FCN3: variants seen among roughly 807,000 people sequenced by gnomAD.
The protein encoded by FCN3 is ficolin-3.
Under a neutral mutation model 31.5 loss-of-function variants are expected in FCN3, and 28 were observed. The ratio of observed to expected loss-of-function variants is 0.89; its 90% CI spans 0.66 to 1.22. The LOEUF (loss-of-function observed/expected upper bound fraction) is 1.22. Ranked by LOEUF, FCN3 falls within the 50% of genes most tolerant of loss-of-function variation. The pLI is 0.00. For synonymous variants in FCN3, 124 were observed against 147.4 expected, an observed-to-expected ratio of 0.84 and a Z score of 1.15; for missense variants, 351 against 386.8, an observed-to-expected ratio of 0.91 and a Z score of 0.78.
chr1:27,373,357 C>T (rs1021651580), intron 4 of FCN3, 94 bp from the exon 5 acceptor site: 34 of 1,599,032 alleles, frequency 2.1e-5, no homozygotes, highest in Non-Finnish European at 2.8e-5. Context: ...TAGGGACCCT[C>T]TTGGCTCCTT....
intron 1 of FCN3, 53 bp downstream of exon 1, chr1:27,374,675 C>T (rs566891028): frequency 1.8e-6 from 2 of 1,112,174 alleles, no homozygotes; most frequent in South Asian, 3.7e-5. Context: ...TGGGGGGACA[C>T]CCAGCGAGGG....
chr1:27,373,151 C>T lies in FCN3; in HGVS notation c.378G>A (p.Glu126=), dbSNP rs369579099. The part of the protein sequence containing the change: ...ALPVFCDMDT[E]GGGWLVFQRR... The stretch of plus-strand genomic sequence containing the variant: ...AGACACTCACCAGCCAGCCGCCCCC[C>T]TCGGTGTCCATGTCACAAAAGACTG... Residue 126 remains glutamate, a synonymous_variant, in exon 5 of 8, where the codon GAG becomes GAA. Transcript: ENST00000270879. 12 of 1,613,872 alleles carry T rather than the reference C, an allele frequency of 7.4e-6. No individual in the cohort carries two copies. Among genetic ancestry groups the T allele is most frequent in the South Asian group, 5.5e-5 (5 of 91,086 alleles).
intron 5 of FCN3, among the ~76,000 whole-genome samples, chr1:27,372,771 C>CCTTTT (rs2016171311): frequency 1.7e-5 from 1 of 59,892 alleles, no homozygotes; most frequent in Non-Finnish European, 4.3e-5. Context: ...CCTCCCTACC[C>CCTTTT]TATTTTTTTT....
Position 27,369,366 on chromosome 1 carries a change from G to A in FCN3, c.770C>T (p.Ser257Phe). The A allele has an allele frequency of 6.2e-7, 1 of 1,614,252 alleles. No individual in the cohort carries two copies. The highest frequency in any genetic ancestry group is 8.5e-7 in the Non-Finnish European group (1 of 1,180,048). Residue 257 changes from serine to phenylalanine, a missense_variant, in exon 8 of 8, where the codon TCC becomes TTC. Physicochemically the swap from Ser to Phe is radical, Grantham distance 155. Transcript: ENST00000270879. Reference sequence around the variant, plus strand: ...ACCATTGAGATTTGATCGGTAACAGGATGCATACCACCAGGCACCGTGGAC... The same window carrying A: ...ACCATTGAGATTTGATCGGTAACAGAATGCATACCACCAGGCACCGTGGAC... The part of the protein sequence containing the change: ...VIVHGAWWYA[S>F]CYRSNLNGRY...
At chr1:27,372,171 T>C (rs1256419961) in intron 5 of FCN3, among the ~76,000 whole-genome samples, 1 of 152,180 alleles carries the variant, frequency 6.6e-6, no homozygotes, top group African/African-American at 2.4e-5. Flanking sequence ...GAATCATCTT[T>C]TTAAAACAGA....
At position 27,374,374 on chromosome 1, in the gene FCN3, C is replaced by A; in HGVS notation, c.169G>T (p.Gly57Ter). 1 of 1,613,122 alleles carries A rather than the reference C, an allele frequency of 6.2e-7. No homozygotes were observed. Among genetic ancestry groups the A allele is most frequent in the African/African-American group, 1.3e-5 (1 of 75,000 alleles). The change falls in exon 2 of 8, where the codon GGA becomes TGA. Residue 57 changes from glycine to a stop codon, truncating the protein, a stop_gained. Coordinates refer to ENST00000270879, the MANE Select transcript of FCN3 (RefSeq NM_003665.4). LOFTEE classifies it high-confidence loss of function. The part of the protein sequence containing the change: ...PGAPGSPGEK[G>*]APGPQGPPGP... Reference sequence around the variant, plus strand: ...CTCTCACCTTGAGGACCTGGGGCTCCCTTCTCCCCAGGACTTCCTGGAGCT... The same window carrying A: ...CTCTCACCTTGAGGACCTGGGGCTCACTTCTCCCCAGGACTTCCTGGAGCT...
chr1:27,374,050 T>G, intron 2 of FCN3, 41 bp from the exon 3 acceptor site: 1 of 1,574,830 alleles, frequency 6.3e-7, no homozygotes, highest in Non-Finnish European at 8.7e-7. Flanking sequence ...TCCCACCCCA[T>G]GCCCAGGACC....
intron 2 of FCN3, 58 bp downstream of exon 2, chr1:27,374,298 G>A (rs2016206685): frequency 7.8e-7 from 1 of 1,281,874 alleles, no homozygotes; most frequent in African/African-American, 1.5e-5. Flanking sequence ...GACAAAAATT[G>A]CTACTTTCCT....
chr1:27,373,265 T>C lies in FCN3; in HGVS notation c.266-2A>G. On this transcript the variant is annotated splice_acceptor_variant, in intron 4 of 7. Transcript: ENST00000270879. LOFTEE classifies it high-confidence loss of function. ...ACAGCTCCCGGCAGTTTCTGGGGCC[T>C]GGGAAAGGGGAGATGGACTGGGGTG... The C allele has an allele frequency of 1.2e-6, 2 of 1,613,974 alleles. No homozygotes were observed. Among genetic ancestry groups the C allele is most frequent in the Non-Finnish European group, 1.7e-6 (2 of 1,179,948 alleles).
At chr1:27,369,518 C>A in intron 7 of FCN3, 41 bp from the exon 8 acceptor site, 1 of 1,589,232 alleles carries the variant, frequency 6.3e-7, no homozygotes, top group Non-Finnish European at 8.6e-7. Flanking sequence ...TGCCCAGCAC[C>A]ACGCCTGGCA....
At chr1:27,374,548 A>AGACAAGCATCCTGACAG in intron 1 of FCN3, 97 bp from the exon 2 acceptor site, 1 of 893,584 alleles carries the variant, frequency 1.1e-6, no homozygotes, top group Non-Finnish European at 1.8e-6. Flanking sequence ...CACTGTCAGG[A>AGACAAGCATCCTGACAG]TGCTTGTCTC....
In FCN3 at chr1:27,374,809, G is replaced by A; in HGVS notation, c.10C>T (p.Leu4=). 7.4e-7 allele frequency: 1 copy of A among 1,358,938 alleles called. No homozygotes were observed. The highest frequency in any genetic ancestry group is 2.0e-4 in the Middle Eastern group (1 of 5,058). 84.2% of individuals were successfully genotyped at this position (1,358,938 alleles called of 1,614,324 possible). A position where few individuals can be genotyped will look rare whatever the true frequency, so the allele number is the denominator to read the frequency against. The change falls in exon 1 of 8, where the codon CTG becomes TTG. Residue 4 remains leucine (L), a synonymous_variant. Coordinates refer to ENST00000270879, the MANE Select transcript of FCN3 (RefSeq NM_003665.4). ...AGCCACAGGGAGGGCAGGATCCACA[G>A]TAGATCCATCTTGCTGGGCCCACCA... MDL[L]WILPSLWLLL...
chr1:27,373,081 A>AG lies in FCN3; in HGVS notation c.393+54dup, dbSNP rs1411483449. 8.8e-6 allele frequency: 14 copies of AG among 1,590,394 alleles called. No homozygotes were observed. In the Admixed American group the frequency reaches 1.4e-4, roughly 16 times the overall value. On this transcript the variant is annotated intron_variant, in intron 5 of 7. Transcript: ENST00000270879. ...TGGGTTCTGGCTCCCCTAGGGGCCA[A>AG]GGGGGAGAAGTGACCAGTGGGCCTG...
At chr1:27,372,282 C>T (rs1395091893) in intron 5 of FCN3, among the ~76,000 whole-genome samples, 1 of 150,222 alleles carries the variant, frequency 6.7e-6, no homozygotes, top group African/African-American at 2.5e-5. Flanking sequence ...GAGTCTCACT[C>T]CGTTGCCCAG....
chr1:27,369,558 C>T, intron 7 of FCN3, 81 bp from the exon 8 acceptor site: 1 of 1,351,190 alleles, frequency 7.4e-7, no homozygotes, highest in East Asian at 2.3e-5. Flanking sequence ...ATGGGAGTCT[C>T]AGAGCAACTA....
intron 5 of FCN3, among the ~76,000 whole-genome samples, chr1:27,372,642 G>A (rs1170324490): frequency 6.6e-6 from 1 of 152,120 alleles, no homozygotes; most frequent in African/African-American, 2.4e-5. Flanking sequence ...TCCATGTTCC[G>A]TCAGTGCCGG....
Position 27,373,994 on chromosome 1 carries a change from G to A in FCN3, c.203C>T (p.Pro68Leu), listed in dbSNP as rs1437405474. ...APGPQGPPGP[P>L]GKMGPKGEPG... is the part of the protein sequence containing the mutation. ...CTCACCCTTGGGGCCCATCTTGCCT[G>A]GTGGTCCAGGTGGCCCTGAAATCAC... The change falls in exon 3 of 8, where the codon CCA (proline) becomes CTA (leucine). Residue 68 changes from proline to leucine, a missense_variant. Pro to Leu is a moderately conservative substitution (Grantham distance 98). Transcript: ENST00000270879. The A allele has an allele frequency of 8.1e-6, 13 of 1,613,540 alleles. No homozygotes were observed. Among genetic ancestry groups the A allele is most frequent in the Non-Finnish European group, 1.1e-5 (13 of 1,179,938 alleles).
chr1:27,374,371 C>T lies in FCN3; in HGVS notation c.172G>A (p.Ala58Thr). 6.2e-7 allele frequency: 1 copy of T among 1,612,462 alleles called. No homozygotes were observed. Among genetic ancestry groups the T allele is most frequent in the South Asian group, 1.1e-5 (1 of 91,060 alleles). Residue 58 changes from alanine (A) to threonine (T), a missense_variant, in exon 2 of 8, where the codon GCC becomes ACC. Coordinates refer to ENST00000270879, the MANE Select transcript of FCN3 (RefSeq NM_003665.4). ...CCCCTCTCACCTTGAGGACCTGGGG[C>T]TCCCTTCTCCCCAGGACTTCCTGGA... Reference protein sequence around the residue: ...GAPGSPGEKGAPGPQGPPGPP... With the variant: ...GAPGSPGEKGTPGPQGPPGPP...
Position 27,369,264 on chromosome 1 carries a change from T to C in FCN3, c.872A>G (p.Tyr291Cys). The C allele has an allele frequency of 1.2e-6, 2 of 1,614,152 alleles. No homozygotes were observed. Among genetic ancestry groups the C allele is most frequent in the Non-Finnish European group, 8.5e-7 (1 of 1,180,014 alleles). ...TCGAAGCATCATCCGAACCCTGCGG[T>C]AGGGGTGGCCCACACCACGGCCTGA... is the stretch of plus-strand genomic sequence containing the variant. ...WASGRGVGHPYRRVRMMLR is the reference protein window; with the variant it reads ...WASGRGVGHPCRRVRMMLR The change falls in exon 8 of 8, where the codon TAC (tyrosine) becomes TGC (cysteine). Residue 291 changes from tyrosine to cysteine, a missense_variant. Physicochemically the swap from Tyr to Cys is radical, Grantham distance 194. Coordinates refer to ENST00000270879, the MANE Select transcript of FCN3 (RefSeq NM_003665.4).
Sources: allele counts gnomAD v4.1 joint callset (sites outside exome capture counted in the v4.1 genomes callset), GRCh38; gene constraint gnomAD v4.1.1; transcripts MANE v1.5; gene names NCBI Gene and HGNC (gene_info 2026-07-23, HGNC 2026-07-21).